CNTN4: variants seen among roughly 807,000 people sequenced by gnomAD.
CNTN4 encodes the protein contactin 4, also known as contactin-4.
CNTN4 carries 77 observed loss-of-function variants against 122.5 expected under a neutral mutation model. That is an observed-to-expected ratio of 0.63 (90% CI 0.52 to 0.76). The LOEUF (loss-of-function observed/expected upper bound fraction) is 0.76, where lower values mean the gene tolerates loss of function less well. Ranked by LOEUF, CNTN4 falls within the 30% of genes least tolerant of loss-of-function variation. The pLI is 0.00. For synonymous variants in CNTN4, 512 were observed against 447.0 expected, an observed-to-expected ratio of 1.15 and a Z score of -1.83; for missense variants, 1,256 against 1,259.1, an observed-to-expected ratio of 1.00 and a Z score of 0.04.
chr3:2,939,422 A>G (rs567307837), intron 13 of CNTN4, among the ~76,000 whole-genome samples: 2 of 152,070 alleles, frequency 1.3e-5, no homozygotes, highest in African/African-American at 4.8e-5. Flanking sequence ...TCCTCCTACA[A>G]TTCTCCCTAG....
chr3:2,197,235 T>C (rs1282426952), intron 2 of CNTN4, among the ~76,000 whole-genome samples: 3 of 152,108 alleles, frequency 2.0e-5, no homozygotes, highest in Non-Finnish European at 4.4e-5. Context: ...TTTCTAGCTT[T>C]CTGCGGATGC....
At chr3:2,751,027 C>A (rs974810497) in intron 6 of CNTN4, among the ~76,000 whole-genome samples, 5 of 152,050 alleles carry the variant, frequency 3.3e-5, no homozygotes, top group Non-Finnish European at 7.4e-5. Flanking sequence ...TATGGCCAGG[C>A]GCGATGGCTC....
At chr3:2,311,486 A>T (rs943068069) in intron 2 of CNTN4, among the ~76,000 whole-genome samples, 1 of 152,130 alleles carries the variant, frequency 6.6e-6, no homozygotes, top group Non-Finnish European at 1.5e-5. Context: ...GAAGCTTTTA[A>T]TGATTCTTTG....
At chr3:2,796,181 C>G (rs939242073) in intron 6 of CNTN4, among the ~76,000 whole-genome samples, 1 of 152,094 alleles carries the variant, frequency 6.6e-6, no homozygotes, top group African/African-American at 2.4e-5. Flanking sequence ...AAAATAGGGA[C>G]TTCAACAAGC....
At chr3:2,288,786 G>T (rs2042032585) in intron 2 of CNTN4, among the ~76,000 whole-genome samples, 1 of 152,150 alleles carries the variant, frequency 6.6e-6, no homozygotes, top group African/African-American at 2.4e-5. Flanking sequence ...TACAAGTTTT[G>T]TTTTGTTGGT....
intron 2 of CNTN4, among the ~76,000 whole-genome samples, chr3:2,125,096 C>T (rs2034057345): frequency 6.6e-6 from 1 of 151,926 alleles, no homozygotes; most frequent in African/African-American, 2.4e-5. Context: ...ACCCTTTGTA[C>T]CCTTGAACAA....
At chr3:2,831,901 C>G (rs138784154) in intron 7 of CNTN4, among the ~76,000 whole-genome samples, 2 of 152,322 alleles carry the variant, frequency 1.3e-5, no homozygotes, top group Non-Finnish European at 2.9e-5. Context: ...CTTATCATTT[C>G]ACGCAAACCA....
intron 3 of CNTN4, among the ~76,000 whole-genome samples, chr3:2,347,066 G>T (rs1559473468): frequency 6.6e-6 from 1 of 152,118 alleles, no homozygotes; most frequent in East Asian, 1.9e-4. Flanking sequence ...GAGTCCTTCA[G>T]TTTTTAAATT....
At chr3:2,126,999 T>G (rs2034206255) in intron 2 of CNTN4, among the ~76,000 whole-genome samples, 1 of 152,204 alleles carries the variant, frequency 6.6e-6, no homozygotes, top group Admixed American at 6.5e-5. Flanking sequence ...CCTAGCAGTT[T>G]GAGGATCCAG....
chr3:2,886,513 C>T (rs1346020271), intron 9 of CNTN4, among the ~76,000 whole-genome samples: 1 of 136,868 alleles, frequency 7.3e-6, no homozygotes, highest in Non-Finnish European at 1.6e-5. Flanking sequence ...AGATAGATCA[C>T]TTTTTTTTTT....
At position 2,287,726 on chromosome 3, in the gene CNTN4, A is replaced by G. The variant is rs146336684; in HGVS notation, c.-144-51452A>G. ...AAGAAGAAGAGGAAGAAGAAGAAGA[A>G]GAAGAAGAAGAAGAAGAAGAAGAAG... On this transcript the variant is annotated intron_variant, in intron 2 of 24. Transcript: ENST00000418658. 6.7e-3 allele frequency among the ~76,000 whole-genome samples: 415 copies of G among 61,928 alleles called. 3 individuals carry two copies. The highest frequency in any genetic ancestry group is 0.026 in the Middle Eastern group (3 of 114). 40.6% of individuals were successfully genotyped at this position (61,928 alleles called of 152,430 possible).
chr3:2,686,424 C>A (rs1448489224), intron 4 of CNTN4, among the ~76,000 whole-genome samples: 1 of 152,150 alleles, frequency 6.6e-6, no homozygotes, highest in Non-Finnish European at 1.5e-5. Context: ...CACACCCCAT[C>A]TCCTCCAGGA....
At chr3:2,682,383 T>C (rs563703150) in intron 4 of CNTN4, among the ~76,000 whole-genome samples, 4 of 152,310 alleles carry the variant, frequency 2.6e-5, no homozygotes, top group African/African-American at 7.2e-5. Context: ...TTTTTTTTAC[T>C]GAGGATGTCA....
chr3:2,484,169 AAAAT>A (rs1272954425), intron 3 of CNTN4, among the ~76,000 whole-genome samples: 1 of 152,208 alleles, frequency 6.6e-6, no homozygotes, highest in Non-Finnish European at 1.5e-5. Flanking sequence ...TTTATTGAAA[AAAAT>A]ACACAGACAG....
chr3:2,350,903 C>T (rs1264222743), intron 3 of CNTN4, among the ~76,000 whole-genome samples: 1 of 152,148 alleles, frequency 6.6e-6, no homozygotes, highest in Non-Finnish European at 1.5e-5. Context: ...CCATTTGCTA[C>T]ATTCCTGGAT....
intron 2 of CNTN4, among the ~76,000 whole-genome samples, chr3:2,118,859 T>C (rs2033543032): frequency 6.6e-6 from 1 of 152,254 alleles, no homozygotes. Context: ...CATCTTGTTA[T>C]GACATTTAGA....
chr3:2,823,577 A>G (rs34325921), intron 7 of CNTN4, among the ~76,000 whole-genome samples: 29,673 of 152,134 alleles, frequency 0.2, 3,567 homozygotes, highest in Non-Finnish European at 0.27. Flanking sequence ...GACTCTGGCT[A>G]TCCTTGGTGC....
chr3:2,953,790 T>C (rs968668844), intron 13 of CNTN4, among the ~76,000 whole-genome samples: 1 of 152,186 alleles, frequency 6.6e-6, no homozygotes, highest in Non-Finnish European at 1.5e-5. Context: ...GCTGGGCCTA[T>C]TGATTTGGAT....
intron 2 of CNTN4, among the ~76,000 whole-genome samples, chr3:2,295,902 C>A (rs1202549552): frequency 6.6e-6 from 1 of 152,158 alleles, no homozygotes; most frequent in African/African-American, 2.4e-5. Flanking sequence ...ATATGACTAG[C>A]CAGTTTTCCC....
Sources: gnomAD v4.1 joint callset for allele counts (sites outside exome capture counted in the v4.1 genomes callset) on GRCh38, gnomAD v4.1.1 for gene constraint, MANE v1.5 for transcripts, NCBI Gene and HGNC (gene_info 2026-07-23, HGNC 2026-07-21) for gene names.